Variants in PCDH10 observed in about 807,000 individuals in gnomAD.
The protein encoded by PCDH10 is protocadherin-10.
A neutral mutation model predicts 74.4 loss-of-function variants in PCDH10; 15 were observed. The observed-to-expected ratio is 0.20, with a 90% CI of 0.13 to 0.31. The LOEUF is 0.31. Among genes scored for constraint, PCDH10 ranks in the 10% least tolerant of loss-of-function variants. The pLI is 1.00. For missense variants in PCDH10, 1,260 were observed against 1,390.2 expected (o/e 0.91, Z 1.49); for synonymous variants, 619 against 589.8 (o/e 1.05, Z -0.72).
In PCDH10 at chr4:133,151,051, C is replaced by T. The variant is rs756259780; in HGVS notation, c.911C>T (p.Ser304Leu). 1 of 1,613,994 alleles carries T rather than the reference C, an allele frequency of 6.2e-7. No individual in the cohort carries two copies. Among genetic ancestry groups the T allele is most frequent in the Admixed American group, 1.7e-5 (1 of 60,032 alleles). The change falls in exon 1 of 5, where the codon TCG (serine) becomes TTG (leucine). Residue 304 changes from serine to leucine, a missense_variant. Around this residue, in one of 11 missense-constraint regions of PCDH10, gnomAD observed 192 missense variants for 161.2 expected, o/e 1.19. Transcript: ENST00000264360. ...SPRARELFGL[S>L]PRTGRLEVSG... is the part of the protein sequence containing the mutation. ...CGGGCGCGGGAGCTTTTCGGACTCT[C>T]GCCGCGCACTGGCAGACTGGAGGTA...
chr4:133,168,829 C>T (rs908584791), intron 4 of PCDH10, among the ~76,000 whole-genome samples: 3 of 151,610 alleles, frequency 2.0e-5, no homozygotes, highest in African/African-American at 4.8e-5. Flanking sequence ...TGCACACACT[C>T]AGTTGTTGAT....
chr4:133,155,788 T>C (rs1371521152), intron 3 of PCDH10, among the ~76,000 whole-genome samples: 1 of 152,192 alleles, frequency 6.6e-6, no homozygotes, highest in African/African-American at 2.4e-5. Flanking sequence ...TTTTATGAGA[T>C]CCTGGTAACT....
chr4:133,184,483 C>T (rs141049376), intron 4 of PCDH10, among the ~76,000 whole-genome samples: 4,094 of 151,274 alleles, frequency 0.027, 92 homozygotes, highest in Non-Finnish European at 0.039. Context: ...ATTAGCCTGG[C>T]GTTGTGGTGC....
Position 133,151,046 on chromosome 4 carries a change from AC to A in PCDH10, c.907del (p.Leu303SerfsTer10). On this transcript the variant is annotated frameshift_variant, in exon 1 of 5. Coordinates refer to ENST00000264360, the MANE Select transcript of PCDH10 (RefSeq NM_032961.3). LOFTEE classifies it high-confidence loss of function. ...ISPRARELFG[L>X]SPRTGRLEVS... ...CGCCCCGGGCGCGGGAGCTTTTCGG[AC>A]TCTCGCCGCGCACTGGCAGACTGGA... is the stretch of plus-strand genomic sequence containing the variant. 1 of 1,613,740 alleles carries A rather than the reference AC, an allele frequency of 6.2e-7. No individual in the cohort carries two copies. Among genetic ancestry groups the A allele is most frequent in the East Asian group, 2.2e-5 (1 of 44,830 alleles).
chr4:133,203,718 T>TAA (rs1727948373), intron 2 of PCDH10, among the ~76,000 whole-genome samples: 1 of 152,220 alleles, frequency 6.6e-6, no homozygotes, highest in East Asian at 1.9e-4. Flanking sequence ...CATGTAAAGT[T>TAA]TAATAGTTAC....
chr4:133,154,220 G>A (rs1420936625), intron 1 of PCDH10, 87 bp from the exon 2 acceptor site: 1 of 770,874 alleles, frequency 1.3e-6, no homozygotes, highest in South Asian at 1.7e-5. Flanking sequence ...AATTACTTAA[G>A]CTAGATATAG....
chr4:133,163,868 GT>G (rs1479137990), intron 4 of PCDH10: 11 of 436,936 alleles, frequency 2.5e-5, no homozygotes, highest in Admixed American at 1.1e-4. Context: ...AAGTAAAAGA[GT>G]TTTTAAAAAC....
At chr4:133,158,968 G>T (rs772398097) in intron 3 of PCDH10, among the ~76,000 whole-genome samples, 5 of 151,982 alleles carry the variant, frequency 3.3e-5, no homozygotes, top group Non-Finnish European at 7.4e-5. Context: ...TTTTTTTCAT[G>T]AGTGAGTTAT....
chr4:133,152,150 C>T lies in PCDH10; in HGVS notation c.2010C>T (p.Ser670=), dbSNP rs2125858699. The change falls in exon 1 of 5, where the codon TCC becomes TCT. Residue 670 remains serine (S), a synonymous_variant. Transcript: ENST00000264360. The part of the protein sequence containing the change: ...VRDHGQPPLS[S]TATLVVQLVD... ...ACCATGGGCAGCCGCCCCTTTCCTC[C>T]ACCGCCACCCTGGTGGTTCAGCTGG... is the stretch of plus-strand genomic sequence containing the variant. 1 of 1,564,228 alleles carries T rather than the reference C, an allele frequency of 6.4e-7. No homozygotes were observed. Among genetic ancestry groups the T allele is most frequent in the Non-Finnish European group, 8.6e-7 (1 of 1,156,162 alleles).
At chr4:133,181,748 C>T (rs1727423227) in intron 4 of PCDH10, among the ~76,000 whole-genome samples, 1 of 151,908 alleles carries the variant, frequency 6.6e-6, no homozygotes, top group African/African-American at 2.4e-5. Flanking sequence ...CTTCTGTTTG[C>T]CTTGACATAG....
rs1042240244 is a variant in PCDH10 at position 133,152,007 on chromosome 4, G to T, written c.1867G>T (p.Gly623Cys). 3 of 1,612,760 alleles carry T rather than the reference G, an allele frequency of 1.9e-6. No individual in the cohort carries two copies. Among genetic ancestry groups the T allele is most frequent in the Non-Finnish European group, 2.5e-6 (3 of 1,179,832 alleles). ...CCGGCTCACTTACAGCATCGTGCGT[G>T]GCAACGAAATGAACCTCTTTCGCAT... ...NARLTYSIVRGNEMNLFRMDW... is the reference protein window; with the variant it reads ...NARLTYSIVRCNEMNLFRMDW... The change falls in exon 1 of 5, where the codon GGC becomes TGC. Residue 623 changes from glycine to cysteine, a missense_variant. This residue lies in a region of PCDH10 where 587 missense variants were observed against 616.9 expected (regional missense o/e 0.95). Coordinates refer to ENST00000264360, the MANE Select transcript of PCDH10 (RefSeq NM_032961.3).
At chr4:133,199,289 AAAT>A (rs70957501), downstream of PCDH10, among the ~76,000 whole-genome samples, 51,647 of 136,394 alleles carry the variant, frequency 0.38, 9,948 homozygotes, top group Non-Finnish European at 0.41. Context: ...CCCTGTCTCA[AAAT>A]AATAATAATA....
At chr4:133,206,790 G>T (rs1728014087) in intron 2 of PCDH10, among the ~76,000 whole-genome samples, 1 of 151,956 alleles carries the variant, frequency 6.6e-6, no homozygotes, top group Non-Finnish European at 1.5e-5. Flanking sequence ...ATAAACTATG[G>T]ACATAAAAAG....
intron 4 of PCDH10, among the ~76,000 whole-genome samples, chr4:133,174,465 C>A (rs1727254117): frequency 6.6e-6 from 1 of 151,668 alleles, no homozygotes; most frequent in African/African-American, 2.4e-5. Context: ...GAAGTAACTA[C>A]CTACTGAGTG....
chr4:133,151,608 C>G lies in PCDH10; in HGVS notation c.1468C>G (p.Arg490Gly), dbSNP rs1020666292. 8.7e-6 allele frequency: 14 copies of G among 1,613,780 alleles called. 1 individual carries two copies. Among genetic ancestry groups the G allele is most frequent in the South Asian group, 2.2e-5 (2 of 91,070 alleles). Reference sequence around the variant, plus strand: ...CATCTACGCGGTGAGCGCCACCGACCGGGATGAGGGCGCCAACGCCCAGCT... The same window carrying G: ...CATCTACGCGGTGAGCGCCACCGACGGGGATGAGGGCGCCAACGCCCAGCT... The part of the protein sequence containing the change: ...AYIYAVSATD[R>G]DEGANAQLAY... Residue 490 changes from arginine to glycine, a missense_variant, in exon 1 of 5, where the codon CGG becomes GGG. Around this residue, in one of 11 missense-constraint regions of PCDH10, gnomAD observed 587 missense variants for 616.9 expected, o/e 0.95. Transcript: ENST00000264360.
intron 4 of PCDH10, among the ~76,000 whole-genome samples, chr4:133,178,380 G>C (rs990661773): frequency 6.6e-6 from 1 of 151,972 alleles, no homozygotes; most frequent in Non-Finnish European, 1.5e-5. Flanking sequence ...GGGATTACAG[G>C]CATGCACCAC....
chr4:133,169,747 T>C (rs1198756850), intron 4 of PCDH10, among the ~76,000 whole-genome samples: 1 of 151,954 alleles, frequency 6.6e-6, no homozygotes, highest in African/African-American at 2.4e-5. Context: ...ATATTGTAAA[T>C]AAGTCTGGAA....
At chr4:133,206,798 A>G (rs999958809) in intron 2 of PCDH10, among the ~76,000 whole-genome samples, 1 of 152,174 alleles carries the variant, frequency 6.6e-6, no homozygotes, top group Non-Finnish European at 1.5e-5. Context: ...TGGACATAAA[A>G]AGAAAAGTCT....
chr4:133,199,492 G>A (rs1003844326), downstream of PCDH10, among the ~76,000 whole-genome samples: 1 of 150,420 alleles, frequency 6.6e-6, no homozygotes. Flanking sequence ...AGGCATTTCG[G>A]GGGGACAAAT....
Sources: allele counts gnomAD v4.1 joint callset (sites outside exome capture counted in the v4.1 genomes callset), GRCh38; gene constraint gnomAD v4.1.1; regional missense constraint gnomAD v4.1.1; transcripts MANE v1.5; gene names NCBI Gene and HGNC (gene_info 2026-07-23, HGNC 2026-07-21).